The following MX1 variants were observed in gnomAD, a reference collection of about 807,000 sequenced individuals.
MX1 encodes MX dynamin like GTPase 1.
Under a neutral mutation model 66.4 loss-of-function variants are expected in MX1, and 66 were observed. The observed-to-expected ratio is 0.99, with a 90% CI of 0.82 to 1.22. MX1 has a LOEUF of 1.22. Among genes scored for constraint, MX1 ranks in the 50% most tolerant of loss-of-function variants. The pLI is 0.00. For synonymous variants in MX1, 311 were observed against 318.1 expected (o/e 0.98, Z 0.24); for missense variants, 787 against 834.3 (o/e 0.94, Z 0.70).
intron 16 of MX1, among the ~76,000 whole-genome samples, chr21:41,457,686 A>T (rs1400522214): frequency 1.3e-5 from 2 of 152,150 alleles, no homozygotes; most frequent in East Asian, 3.9e-4. Flanking sequence ...CTTTCTTTAA[A>T]TTGTGCAGAA....
At chr21:41,438,993 C>G (rs8132794) in intron 7 of MX1, among the ~76,000 whole-genome samples, 144 of 152,200 alleles carry the variant, frequency 9.5e-4, no homozygotes, top group African/African-American at 3.2e-3. Flanking sequence ...GGAAGTTGCA[C>G]ATAACATTTT....
chr21:41,443,130 A>G (rs2090565498), intron 10 of MX1, among the ~76,000 whole-genome samples: 1 of 151,864 alleles, frequency 6.6e-6, no homozygotes, highest in South Asian at 2.1e-4. Context: ...ACCACAATTT[A>G]GAAAAATTGA....
At chr21:41,449,542 G>T in intron 14 of MX1, 2 of 375,460 alleles carry the variant, frequency 5.3e-6, no homozygotes, top group Non-Finnish European at 9.4e-6. Flanking sequence ...AACTACAAAT[G>T]CCGGTCACAA....
intron 3 of MX1, chr21:41,428,623 G>A (rs552353291): frequency 6.6e-6 from 1 of 152,262 alleles, no homozygotes; most frequent in African/African-American, 2.4e-5. Context: ...TCCTCCACAG[G>A]TGTGCGTGCC....
intron 12 of MX1, 94 bp from the exon 13 acceptor site, chr21:41,445,906 A>T: frequency 1.4e-6 from 2 of 1,478,634 alleles, no homozygotes; most frequent in South Asian, 2.6e-5. Context: ...GCAAAGAATG[A>T]CTCCCCACCC....
upstream of MX1, among the ~76,000 whole-genome samples, chr21:41,425,760 G>C (rs1390667219): frequency 6.6e-6 from 1 of 152,152 alleles, no homozygotes; most frequent in Non-Finnish European, 1.5e-5. Context: ...GGTGTGCCTG[G>C]TTAGGGGTGG....
Position 41,452,629 on chromosome 21 carries a change from T to C in MX1, c.1518T>C (p.Ile506=), listed in dbSNP as rs1323196482. The C allele has an allele frequency of 1.3e-6, 2 of 1,597,456 alleles. No homozygotes were observed. Among genetic ancestry groups the C allele is most frequent in the Middle Eastern group, 1.7e-4 (1 of 5,992 alleles). The change falls in exon 16 of 17, where the codon ATT becomes ATC. Residue 506 remains isoleucine, a synonymous_variant. Coordinates refer to ENST00000398598, the MANE Select transcript of MX1 (RefSeq NM_002462.5). ...TTTATTTTTTACTGTAGTCCAAAAT[T>C]GAAGACATTAGAGCAGAACAAGAGA... ...FNLHRTAKSK[I]EDIRAEQERE... is the part of the protein sequence containing the mutation.
chr21:41,432,053 A>G lies in MX1; in HGVS notation c.-18A>G. 1 of 1,613,064 alleles carries G rather than the reference A, an allele frequency of 6.2e-7. No individual in the cohort carries two copies. Among genetic ancestry groups the G allele is most frequent in the Non-Finnish European group, 8.5e-7 (1 of 1,179,452 alleles). ...TAGGCATCTGCTTTATTTTAAGCTT[A>G]CTTTGCAAAGAAGGAAGATGGTTGT... On this transcript the variant is annotated 5_prime_UTR_variant, in exon 5 of 17. Transcript: ENST00000398598.
In MX1 at chr21:41,451,193, G is replaced by A; in HGVS notation, c.1459G>A (p.Val487Ile). ...TDMVRLAFTD[V>I]SIKNFEEFFN... The stretch of plus-strand genomic sequence containing the variant: ...TATGGTCCGGCTTGCTTTCACAGAT[G>A]TTTCGATAAAAAATTTTGAAGAGTT... The change falls in exon 15 of 17, where the codon GTT (valine) becomes ATT (isoleucine). Residue 487 changes from valine to isoleucine, a missense_variant. Val to Ile is a conservative substitution (Grantham distance 29, BLOSUM62 3). Coordinates refer to ENST00000398598, the MANE Select transcript of MX1 (RefSeq NM_002462.5). The A allele has an allele frequency of 6.2e-7, 1 of 1,611,986 alleles. No homozygotes were observed. Among genetic ancestry groups the A allele is most frequent in the Admixed American group, 1.7e-5 (1 of 59,920 alleles).
intron 11 of MX1, 109 bp from the exon 12 acceptor site, chr21:41,445,339 G>A: frequency 7.5e-7 from 1 of 1,332,232 alleles, no homozygotes; most frequent in Admixed American, 2.1e-5. Flanking sequence ...GAGGAAGCCA[G>A]GAAGTCAAAT....
chr21:41,420,594 A>AATTCGCGG (rs1186230824), exon 1 of MX1: 2 of 152,026 alleles, frequency 1.3e-5, no homozygotes, highest in African/African-American at 4.8e-5. Context: ...TTGTCCGGGA[A>AATTCGCGG]ATTCGCGGTG....
rs761231840 is a variant in MX1 at position 41,439,707 on chromosome 21, C to T, written c.450C>T (p.Ile150=). Residue 150 remains isoleucine, a synonymous_variant, in exon 8 of 17, where the codon ATC becomes ATT. Coordinates refer to ENST00000398598, the MANE Select transcript of MX1 (RefSeq NM_002462.5). The stretch of plus-strand genomic sequence containing the variant: ...TCTCTTTTCTAGCCCAGAATGCCAT[C>T]GCCGGGGAAGGAATGGGAATCAGTC... ...EKEINKAQNA[I]AGEGMGISHE... 4.3e-6 allele frequency: 7 copies of T among 1,613,644 alleles called. No individual in the cohort carries two copies. The African/African-American group carries it at 6.7e-5, about 15-fold the overall frequency.
Position 41,441,187 on chromosome 21 carries a change from C to T in MX1, c.730+162C>T. 2 of 1,074,832 alleles carry T rather than the reference C, an allele frequency of 1.9e-6. No individual in the cohort carries two copies. Among genetic ancestry groups the T allele is most frequent in the South Asian group, 3.2e-5 (2 of 62,094 alleles). 66.6% of individuals were successfully genotyped at this position (1,074,832 alleles called of 1,614,324 possible). A position where few individuals can be genotyped will look rare whatever the true frequency, so the allele number is the denominator to read the frequency against. ...CTGTGCTCGGTGGTCTGCCAGTGGG[C>T]AAGCGTCCCTCCAGTCTCCATGGGC... On this transcript the variant is annotated intron_variant, in intron 9 of 16. Coordinates refer to ENST00000398598, the MANE Select transcript of MX1 (RefSeq NM_002462.5). This position sits in a 1 kb window ranked among gnomAD's most constrained non-coding sequence, Gnocchi z 4.0.
At chr21:41,440,011 G>T (rs117298279) in intron 8 of MX1, among the ~76,000 whole-genome samples, 163 bp downstream of exon 8, 138 of 152,310 alleles carry the variant, frequency 9.1e-4, no homozygotes, top group Non-Finnish European at 1.7e-3. Flanking sequence ...GAGCCCGTTG[G>T]TCACAGTCTG....
Position 41,441,178 on chromosome 21 carries a change from G to C in MX1, c.730+153G>C. The C allele has an allele frequency of 1.0e-6, 1 of 978,150 alleles. No homozygotes were observed. Among genetic ancestry groups the C allele is most frequent in the Non-Finnish European group, 1.4e-6 (1 of 725,602 alleles). 60.6% of individuals were successfully genotyped at this position (978,150 alleles called of 1,614,324 possible). On this transcript the variant is annotated intron_variant, in intron 9 of 16. Transcript: ENST00000398598. The surrounding 1 kb of genome is among the most constrained non-coding windows in gnomAD (Gnocchi z 4.0). ...GGAGCCCGCCTGTGCTCGGTGGTCTGCCAGTGGGCAAGCGTCCCTCCAGTC... is the reference window on the plus strand; with the variant it reads ...GGAGCCCGCCTGTGCTCGGTGGTCTCCCAGTGGGCAAGCGTCCCTCCAGTC...
At chr21:41,434,543 CTCTTGGATTA>C (rs1200680935) in intron 5 of MX1, among the ~76,000 whole-genome samples, 3 of 152,224 alleles carry the variant, frequency 2.0e-5, no homozygotes, top group Middle Eastern at 6.8e-3. Context: ...TTTCTGCCTT[CTCTTGGATTA>C]TTTTTTATGA....
chr21:41,457,052 G>A (rs1341441619), intron 16 of MX1, among the ~76,000 whole-genome samples: 2 of 152,260 alleles, frequency 1.3e-5, no homozygotes, highest in African/African-American at 2.4e-5. Flanking sequence ...GAGCCACCAC[G>A]CCCGGCCTTG....
At chr21:41,438,805 C>T (rs1188171514) in intron 7 of MX1, among the ~76,000 whole-genome samples, 3 of 152,184 alleles carry the variant, frequency 2.0e-5, no homozygotes, top group Non-Finnish European at 4.4e-5. Flanking sequence ...TGAAGGCGGG[C>T]AGACCAGAGC....
chr21:41,437,946 CA>C (rs891704851), intron 7 of MX1, among the ~76,000 whole-genome samples: 1 of 152,180 alleles, frequency 6.6e-6, no homozygotes, highest in Non-Finnish European at 1.5e-5. Context: ...ATGCAAACCA[CA>C]AGGATCAATT....
Sources: gnomAD v4.1 joint callset for allele counts (sites outside exome capture counted in the v4.1 genomes callset) on GRCh38, gnomAD v4.1.1 for gene constraint, Gnocchi (gnomAD v3.1) non-coding constraint, MANE v1.5 for transcripts, NCBI Gene and HGNC (gene_info 2026-07-23, HGNC 2026-07-21) for gene names.